AGBL4: variants seen among roughly 807,000 people sequenced by gnomAD.
AGBL4 encodes the protein AGBL carboxypeptidase 4.
In AGBL4, 58 loss-of-function variants were observed where a neutral mutation model predicts 66.4. The observed-to-expected ratio is 0.87, with a 90% CI of 0.71 to 1.09. The LOEUF is 1.09. Ranked by LOEUF, AGBL4 falls within the 50% of genes least tolerant of loss-of-function variation. AGBL4 has a pLI of 0.00. For missense variants in AGBL4, 579 were observed against 631.0 expected (o/e 0.92, Z 0.88); for synonymous variants, 234 against 222.9 (o/e 1.05, Z -0.44).
chr1:49,217,912 A>G (rs1288374120), intron 4 of AGBL4, among the ~76,000 whole-genome samples: 1 of 152,104 alleles, frequency 6.6e-6, no homozygotes, highest in Non-Finnish European at 1.5e-5. Context: ...CAATCTTCCT[A>G]CCAGGGCAAA....
intron 1 of AGBL4, among the ~76,000 whole-genome samples, chr1:49,973,273 A>G (rs1658285510): frequency 6.6e-6 from 1 of 152,196 alleles, no homozygotes; most frequent in African/African-American, 2.4e-5. Flanking sequence ...GTAACAGGTC[A>G]GCTAATAAAC....
chr1:49,045,692 C>T lies in AGBL4; in HGVS notation c.486G>A (p.Gln162=). Residue 162 remains glutamine (Q), a synonymous_variant, in exon 5 of 14, where the codon CAG becomes CAA. Coordinates refer to ENST00000371839, the MANE Select transcript of AGBL4 (RefSeq NM_032785.4). The part of the protein sequence containing the change: ...FCFDREEDIY[Q]FAYCYPYTYT... The stretch of plus-strand genomic sequence containing the variant: ...ATGTATATGGGTAGCAGTAAGCAAA[C>T]TGGTAAATATCTTCTTCTCGGTCAA... 6 of 1,562,654 alleles carry T rather than the reference C, an allele frequency of 3.8e-6. No homozygotes were observed. In the South Asian group the frequency reaches 4.7e-5, roughly 12 times the overall value.
intron 12 of AGBL4, among the ~76,000 whole-genome samples, chr1:48,538,671 T>A (rs1557770335): frequency 6.6e-6 from 1 of 152,174 alleles, no homozygotes; most frequent in South Asian, 2.1e-4. Context: ...GGAAATACAA[T>A]GTCTATGAGG....
chr1:49,193,222 T>G (rs912987096), intron 4 of AGBL4, among the ~76,000 whole-genome samples: 2 of 152,070 alleles, frequency 1.3e-5, no homozygotes, highest in African/African-American at 4.8e-5. Flanking sequence ...CCCTGATCTT[T>G]GTTATTTCTT....
intron 2 of AGBL4, among the ~76,000 whole-genome samples, chr1:49,739,084 G>C (rs1225277512): frequency 1.3e-5 from 2 of 152,138 alleles, no homozygotes; most frequent in East Asian, 3.9e-4. Flanking sequence ...AGAGAAGAAG[G>C]CTTCAGACGA....
At chr1:49,252,581 A>T (rs1490384200) in intron 3 of AGBL4, among the ~76,000 whole-genome samples, 3 of 152,204 alleles carry the variant, frequency 2.0e-5, no homozygotes, top group African/African-American at 4.8e-5. Flanking sequence ...ATACTTCACA[A>T]GAAGATCATC....
chr1:49,846,279 C>T (rs1225219417), intron 2 of AGBL4: 12 of 1,494,354 alleles, frequency 8.0e-6, no homozygotes, highest in African/African-American at 2.8e-5. Context: ...AGGCAGAGCA[C>T]CCACCTCACA....
At chr1:48,642,544 C>G (rs953786359) in intron 8 of AGBL4, among the ~76,000 whole-genome samples, 1 of 152,124 alleles carries the variant, frequency 6.6e-6, no homozygotes, top group Admixed American at 6.5e-5. Context: ...TTTCATAAAA[C>G]CCAATCCCCA....
At chr1:49,802,889 A>G (rs1354965963) in intron 2 of AGBL4, among the ~76,000 whole-genome samples, 7 of 152,194 alleles carry the variant, frequency 4.6e-5, no homozygotes, top group Non-Finnish European at 8.8e-5. Flanking sequence ...TGCTGATTTA[A>G]TTTATCCAAT....
Position 49,883,683 on chromosome 1 carries a change from T to C in AGBL4, c.35-32165A>G, listed in dbSNP as rs373658380. 7.2e-5 allele frequency among the ~76,000 whole-genome samples: 11 copies of C among 152,080 alleles called. 1 individual carries two copies. Among genetic ancestry groups the C allele is most frequent in the African/African-American group, 2.7e-4 (11 of 41,442 alleles). Reference sequence around the variant, plus strand: ...TTTTTTTGCTTATCTGTTAAGAGCATAGTGGTCATGTTGTATTCTAAGTCA... The same window carrying C: ...TTTTTTTGCTTATCTGTTAAGAGCACAGTGGTCATGTTGTATTCTAAGTCA... On this transcript the variant is annotated intron_variant, in intron 1 of 13. Transcript: ENST00000371839.
chr1:49,833,669 T>G (rs1422267661), intron 2 of AGBL4, among the ~76,000 whole-genome samples: 1 of 152,218 alleles, frequency 6.6e-6, no homozygotes, highest in East Asian at 1.9e-4. Context: ...TTAATTTCAT[T>G]GAGCAGTGGT....
chr1:48,787,721 A>G (rs1237539377), intron 6 of AGBL4, among the ~76,000 whole-genome samples: 2 of 152,238 alleles, frequency 1.3e-5, no homozygotes, highest in East Asian at 3.8e-4. Context: ...AAGGAAAAGA[A>G]ATGGCAAGAA....
intron 1 of AGBL4, among the ~76,000 whole-genome samples, chr1:49,936,520 C>A (rs1027853903): frequency 6.6e-6 from 1 of 152,068 alleles, no homozygotes; most frequent in Non-Finnish European, 1.5e-5. Context: ...AGAGCAACTC[C>A]AGGACACATA....
At chr1:48,563,241 C>T (rs1320125983) in intron 11 of AGBL4, among the ~76,000 whole-genome samples, 2 of 152,216 alleles carry the variant, frequency 1.3e-5, no homozygotes, top group African/African-American at 4.8e-5. Context: ...ATTAGCATCA[C>T]TAGCAGCAGT....
At chr1:49,068,755 A>G (rs1012153102) in intron 4 of AGBL4, among the ~76,000 whole-genome samples, 2 of 152,150 alleles carry the variant, frequency 1.3e-5, no homozygotes, top group African/African-American at 4.8e-5. Flanking sequence ...CAGTAATGGG[A>G]TGGCTGGGTC....
At chr1:49,466,176 T>G (rs1247564775) in intron 3 of AGBL4, among the ~76,000 whole-genome samples, 2 of 151,928 alleles carry the variant, frequency 1.3e-5, no homozygotes, top group Non-Finnish European at 1.5e-5. Context: ...CTCACGGGTT[T>G]GGCCTTCATT....
intron 3 of AGBL4, among the ~76,000 whole-genome samples, chr1:49,510,273 T>C (rs2148780795): frequency 6.6e-6 from 1 of 152,128 alleles, no homozygotes; most frequent in East Asian, 1.9e-4. Flanking sequence ...ATGATTGCCA[T>C]TCTAACTGGT....
rs1288698356 is a variant in AGBL4, at chr1:48,762,612, TTTTGTGTG to T, written c.635-99379_635-99372del. The stretch of plus-strand genomic sequence containing the variant: ...GTTAGTTAAATCCAGTCTTTAAGGG[TTTTGTGTG>T]TGTGTGTGTGTGTGTGTGTGTGTGT... On this transcript the variant is annotated intron_variant, in intron 6 of 13. Coordinates refer to ENST00000371839, the MANE Select transcript of AGBL4 (RefSeq NM_032785.4). Among the ~76,000 whole-genome samples the T allele has an allele frequency of 4.6e-3, 594 of 127,912 alleles. 4 individuals are homozygous for T. The highest frequency in any genetic ancestry group is 7.6e-3 in the East Asian group (38 of 5,030). The allele number at this position is 127,912 out of a possible 152,430, so 83.9% of individuals were successfully genotyped here.
chr1:49,715,263 G>A (rs1433569404), intron 2 of AGBL4, among the ~76,000 whole-genome samples: 1 of 152,050 alleles, frequency 6.6e-6, no homozygotes, highest in African/African-American at 2.4e-5. Context: ...ATGGTTTCCA[G>A]CTTCATGCAT....
Sources: gnomAD v4.1 joint callset for allele counts (sites outside exome capture counted in the v4.1 genomes callset) on GRCh38, gnomAD v4.1.1 for gene constraint, MANE v1.5 for transcripts, NCBI Gene and HGNC (gene_info 2026-07-23, HGNC 2026-07-21) for gene names.